Variants in XRCC4 observed in about 807,000 individuals in gnomAD.
The protein encoded by XRCC4 is DNA repair protein XRCC4.
In XRCC4, 28 loss-of-function variants were observed where a neutral mutation model predicts 39.1. The ratio of observed to expected loss-of-function variants is 0.72; its 90% CI spans 0.53 to 0.98. The LOEUF (loss-of-function observed/expected upper bound fraction) is 0.98, where lower values mean the gene tolerates loss of function less well. Ranked by LOEUF, XRCC4 falls within the 50% of genes least tolerant of loss-of-function variation. The pLI is 0.00. For synonymous variants in XRCC4, 123 were observed against 126.4 expected (o/e 0.97, Z 0.18); for missense variants, 350 against 376.4 (o/e 0.93, Z 0.58).
At chr5:83,150,058 T>A (rs1390514681) in intron 3 of XRCC4, among the ~76,000 whole-genome samples, 1 of 152,176 alleles carries the variant, frequency 6.6e-6, no homozygotes, top group Non-Finnish European at 1.5e-5. Context: ...TTGAAACAAA[T>A]TTTAAAACCT....
Position 83,199,061 on chromosome 5 carries a change from C to T in XRCC4, c.482+3125C>T, listed in dbSNP as rs192186330. On this transcript the variant is annotated intron_variant, in intron 4 of 7. Coordinates refer to ENST00000396027, the MANE Select transcript of XRCC4 (RefSeq NM_003401.5). ...TAGTTATTAAACCCATAATTGGAGG[C>T]AGTTTTCAGGGAATTGGGTTGACAC... is the stretch of plus-strand genomic sequence containing the variant. Among the ~76,000 whole-genome samples the T allele has an allele frequency of 3.9e-5, 6 of 152,188 alleles. No individual in the cohort carries two copies. The East Asian group carries it at 1.2e-3, about 29-fold the overall frequency.
chr5:83,192,315 A>G (rs1228542318), intron 3 of XRCC4, among the ~76,000 whole-genome samples: 1 of 108,918 alleles, frequency 9.2e-6, no homozygotes, highest in African/African-American at 4.0e-5. Context: ...TAATATATAT[A>G]TATATTTTTT....
At chr5:83,119,698 A>T (rs900474392) in intron 3 of XRCC4, among the ~76,000 whole-genome samples, 1 of 152,192 alleles carries the variant, frequency 6.6e-6, no homozygotes, top group Non-Finnish European at 1.5e-5. Flanking sequence ...TAGGCATGGC[A>T]TAGTGGCTCA....
chr5:83,309,284 AAAAAAAAAAAAAATAT>A (rs1755604938), intron 7 of XRCC4, among the ~76,000 whole-genome samples: 1 of 119,236 alleles, frequency 8.4e-6, no homozygotes, highest in Non-Finnish European at 1.6e-5. Context: ...AAAAAAAAAA[AAAAAAAAAAAAAATAT>A]ATATATATAT....
the XRCC4 span, among the ~76,000 whole-genome samples, chr5:83,366,869 C>G: frequency 0.016 from 2,450 of 152,250 alleles, 72 homozygotes; most frequent in African/African-American, 0.055. Context: ...CTATGTAAAA[C>G]AGCACCCTCC....
chr5:83,266,982 T>G (rs1253227094), intron 7 of XRCC4, among the ~76,000 whole-genome samples: 1 of 152,166 alleles, frequency 6.6e-6, no homozygotes, highest in African/African-American at 2.4e-5. Flanking sequence ...GTTGTTTGCT[T>G]TTGGGCCACA....
intron 6 of XRCC4, among the ~76,000 whole-genome samples, chr5:83,236,765 A>T (rs112692317): frequency 0.039 from 5,858 of 152,142 alleles, 352 homozygotes; most frequent in African/African-American, 0.13. Flanking sequence ...AAAAATCAAC[A>T]AAGTGAAGAG....
intron 7 of XRCC4, among the ~76,000 whole-genome samples, chr5:83,322,135 G>C (rs1042738154): frequency 6.6e-6 from 1 of 151,616 alleles, no homozygotes; most frequent in Non-Finnish European, 1.5e-5. Context: ...TGTAAATTGT[G>C]TTATCTGAAG....
chr5:83,308,191 A>G (rs149800091), intron 7 of XRCC4, among the ~76,000 whole-genome samples: 11 of 152,320 alleles, frequency 7.2e-5, no homozygotes, highest in African/African-American at 1.9e-4. Context: ...TGTTCCATCA[A>G]TAAAACAAAG....
At chr5:83,175,290 C>T (rs1749901692) in intron 3 of XRCC4, among the ~76,000 whole-genome samples, 1 of 152,128 alleles carries the variant, frequency 6.6e-6, no homozygotes, top group Non-Finnish European at 1.5e-5. Context: ...AATTTTTAAA[C>T]TTTTCTTGTA....
chr5:83,141,276 T>C (rs10055844), intron 3 of XRCC4, among the ~76,000 whole-genome samples: 73,628 of 152,022 alleles, frequency 0.48, 18,794 homozygotes, highest in African/African-American at 0.63. Context: ...GAATAACCTA[T>C]GTATTTTTGT....
intron 7 of XRCC4, among the ~76,000 whole-genome samples, chr5:83,329,666 A>G (rs73140215): frequency 0.016 from 2,420 of 152,226 alleles, 72 homozygotes; most frequent in African/African-American, 0.055. Context: ...ATCAAATGCA[A>G]TAGGAACACA....
At chr5:83,097,384 T>A (rs1437333674) in intron 1 of XRCC4, among the ~76,000 whole-genome samples, 1 of 151,626 alleles carries the variant, frequency 6.6e-6, no homozygotes. Context: ...AGTTGCTCAG[T>A]CCTATCACTT....
chr5:83,265,706 G>A (rs1029969985), intron 7 of XRCC4, among the ~76,000 whole-genome samples: 6 of 151,982 alleles, frequency 3.9e-5, no homozygotes, highest in African/African-American at 9.7e-5. Flanking sequence ...AATGTATTCT[G>A]TATTAAACAC....
rs571151128 is a variant in XRCC4, at chr5:83,256,536, A to G, written c.746-1994A>G. ...TATAACTGAAATGTCCTCTACCTCTAACAGTTTTGCTAGTTTTGTTCATAG... is the reference window on the plus strand; with the variant it reads ...TATAACTGAAATGTCCTCTACCTCTGACAGTTTTGCTAGTTTTGTTCATAG... On this transcript the variant is annotated intron_variant, in intron 6 of 7. Coordinates refer to ENST00000396027, the MANE Select transcript of XRCC4 (RefSeq NM_003401.5). Among the ~76,000 whole-genome samples, 18 of 152,204 alleles carry G rather than the reference A, an allele frequency of 1.2e-4. No homozygotes were observed. In the South Asian group the frequency reaches 3.3e-3, roughly 28 times the overall value.
chr5:83,327,084 TA>T (rs1756287219), intron 7 of XRCC4, among the ~76,000 whole-genome samples: 1 of 152,092 alleles, frequency 6.6e-6, no homozygotes, highest in South Asian at 2.1e-4. Context: ...GTAATTAACA[TA>T]AAGTAAAATT....
chr5:83,265,754 T>C (rs1340140768), intron 7 of XRCC4, among the ~76,000 whole-genome samples: 1 of 152,132 alleles, frequency 6.6e-6, no homozygotes, highest in Non-Finnish European at 1.5e-5. Context: ...ATTAAATGTA[T>C]CATAGGATTG....
At chr5:83,290,129 C>A (rs1754867417) in intron 7 of XRCC4, among the ~76,000 whole-genome samples, 1 of 151,800 alleles carries the variant, frequency 6.6e-6, no homozygotes, top group Non-Finnish European at 1.5e-5. Context: ...TGTCTTTCTC[C>A]AGATTTTTGG....
intron 6 of XRCC4, among the ~76,000 whole-genome samples, chr5:83,223,360 T>G (rs538264874): frequency 6.6e-6 from 1 of 152,256 alleles, no homozygotes; most frequent in East Asian, 1.9e-4. Flanking sequence ...CTTTTCAGTC[T>G]ATTAATATTT....
Sources: gnomAD v4.1 joint callset for allele counts (sites outside exome capture counted in the v4.1 genomes callset) on GRCh38, gnomAD v4.1.1 for gene constraint, MANE v1.5 for transcripts, NCBI Gene and HGNC (gene_info 2026-07-23, HGNC 2026-07-21) for gene names.